The following CPNE5 variants were observed in gnomAD, a reference collection of about 807,000 sequenced individuals.
The protein encoded by CPNE5 is copine 5.
CPNE5 carries 42 observed loss-of-function variants against 81.1 expected under a neutral mutation model. The ratio of observed to expected loss-of-function variants is 0.52; its 90% CI spans 0.40 to 0.67. The LOEUF (loss-of-function observed/expected upper bound fraction) is 0.67, where lower values mean the gene tolerates loss of function less well. Among genes scored for constraint, CPNE5 ranks in the 30% least tolerant of loss-of-function variants. The probability of loss-of-function intolerance (pLI) is 0.00; values close to 1 mark genes in which losing one functional copy is unlikely to be tolerated. For missense variants in CPNE5, 612 were observed against 815.5 expected (o/e 0.75, Z 3.04); for synonymous variants, 313 against 321.5 (o/e 0.97, Z 0.28).
intron 10 of CPNE5, among the ~76,000 whole-genome samples, chr6:36,770,525 C>T (rs1766954413): frequency 6.6e-6 from 1 of 152,180 alleles, no homozygotes; most frequent in Admixed American, 6.5e-5. Flanking sequence ...GGCCCGGGTT[C>T]TCATCCTCCT....
Position 36,743,726 on chromosome 6 carries a change from G to A in CPNE5, c.1526C>T (p.Ser509Phe), listed in dbSNP as rs761580997. Residue 509 changes from serine to phenylalanine, a missense_variant, in exon 20 of 21, where the codon TCC becomes TTC. Coordinates refer to ENST00000244751, the MANE Select transcript of CPNE5 (RefSeq NM_020939.2). ...VELDGDDVRI[S>F]SRGKLAERDI... Reference sequence around the variant, plus strand: ...GCGTTCAGCCAGCTTCCCCCGGGAGGAGATCCGCACGTCGTCGCCATCCAG... The same window carrying A: ...GCGTTCAGCCAGCTTCCCCCGGGAGAAGATCCGCACGTCGTCGCCATCCAG... 1.9e-6 allele frequency: 3 copies of A among 1,613,270 alleles called. No individual in the cohort carries two copies. Among genetic ancestry groups the A allele is most frequent in the South Asian group, 2.2e-5 (2 of 91,092 alleles).
chr6:36,754,214 CTTTT>C (rs148737317), intron 13 of CPNE5: 30 of 140,906 alleles, frequency 2.1e-4, no homozygotes, highest in Non-Finnish European at 2.2e-4. Context: ...CAGAGATCTT[CTTTT>C]TTTTTTTTTT....
rs79072121 is a variant in CPNE5 at position 36,827,166 on chromosome 6, C to T, written c.96-4068G>A. ...CCCAGCTCAGCCCCTCTTCAGCCTC[C>T]GTTCCATTCCCCACTCTCAGCCTTG... On this transcript the variant is annotated intron_variant, in intron 1 of 20. Transcript: ENST00000244751. Among the ~76,000 whole-genome samples the T allele has an allele frequency of 5.4e-3, 821 of 152,256 alleles. 11 individuals carry two copies. Among genetic ancestry groups the T allele is most frequent in the African/African-American group, 0.019 (781 of 41,540 alleles).
chr6:36,825,683 A>T (rs538165981), intron 1 of CPNE5, among the ~76,000 whole-genome samples: 5 of 152,320 alleles, frequency 3.3e-5, no homozygotes, highest in African/African-American at 1.2e-4. Flanking sequence ...ACATACAGTC[A>T]TTCACACCGA....
At chr6:36,793,063 C>G (rs754745440) in intron 7 of CPNE5, among the ~76,000 whole-genome samples, 3 of 152,206 alleles carry the variant, frequency 2.0e-5, no homozygotes, top group African/African-American at 4.8e-5. Context: ...GCATCCCCCT[C>G]CCTGCACCCT....
At chr6:36,808,413 A>C (rs1424226316) in intron 3 of CPNE5, among the ~76,000 whole-genome samples, 1 of 151,908 alleles carries the variant, frequency 6.6e-6, no homozygotes, top group African/African-American at 2.4e-5. Context: ...GATTTCTAAA[A>C]TCTGGGCCCC....
At chr6:36,814,628 G>A (rs1225685950) in intron 3 of CPNE5, among the ~76,000 whole-genome samples, 1 of 152,158 alleles carries the variant, frequency 6.6e-6, no homozygotes, top group African/African-American at 2.4e-5. Flanking sequence ...CAGCAGGGAG[G>A]AGCGTGATGA....
chr6:36,793,223 C>T (rs1769254829), intron 7 of CPNE5, among the ~76,000 whole-genome samples: 1 of 152,114 alleles, frequency 6.6e-6, no homozygotes, highest in Non-Finnish European at 1.5e-5. Context: ...GGCTCTCAAA[C>T]AGAGGAGGCA....
intron 3 of CPNE5, among the ~76,000 whole-genome samples, chr6:36,813,811 C>T (rs148407754): frequency 2.1e-3 from 321 of 152,322 alleles, no homozygotes; most frequent in African/African-American, 7.3e-3. Flanking sequence ...ACTCAAGACT[C>T]AGCTCCAGTG....
intron 1 of CPNE5, among the ~76,000 whole-genome samples, chr6:36,824,031 C>G (rs1204548292): frequency 6.6e-6 from 1 of 152,190 alleles, no homozygotes; most frequent in African/African-American, 2.4e-5. Context: ...CATTCAACCT[C>G]TCTGAGCCTG....
Position 36,839,165 on chromosome 6 carries a change from C to T in CPNE5, c.95+118G>A. ...TTGGCAGATCGGCAGGGGCGCAGTC[C>T]TGGAGACCAGGACACTCTGGGAAGG... On this transcript the variant is annotated intron_variant, in intron 1 of 20. Coordinates refer to ENST00000244751, the MANE Select transcript of CPNE5 (RefSeq NM_020939.2). The surrounding 1 kb of genome is among the most constrained non-coding windows in gnomAD (Gnocchi z 7.3). 2 of 728,462 alleles carry T rather than the reference C, an allele frequency of 2.7e-6. No homozygotes were observed. Among genetic ancestry groups the T allele is most frequent in the South Asian group, 2.0e-5 (1 of 49,030 alleles). 45.1% of individuals were successfully genotyped at this position (728,462 alleles called of 1,614,324 possible). A position where few individuals can be genotyped will look rare whatever the true frequency, so the allele number is the denominator to read the frequency against.
intron 20 of CPNE5, chr6:36,743,096 C>T (rs1014051763): frequency 3.1e-5 from 31 of 985,284 alleles, no homozygotes; most frequent in Non-Finnish European, 3.3e-5. Context: ...TACTGGGCCC[C>T]AATTTTTAAA....
chr6:36,797,513 C>T (rs1355679155), intron 6 of CPNE5, among the ~76,000 whole-genome samples: 1 of 152,206 alleles, frequency 6.6e-6, no homozygotes, highest in Non-Finnish European at 1.5e-5. Context: ...CAGGCAAGGG[C>T]CCTGCCCCTG....
At chr6:36,764,607 T>C (rs1272412988) in intron 11 of CPNE5, among the ~76,000 whole-genome samples, 1 of 152,004 alleles carries the variant, frequency 6.6e-6, no homozygotes, top group Admixed American at 6.6e-5. Context: ...CCAGGGTGGG[T>C]TCTGGACTGA....
chr6:36,808,007 C>A (rs1208515835), intron 3 of CPNE5, among the ~76,000 whole-genome samples: 7 of 152,214 alleles, frequency 4.6e-5, no homozygotes, highest in African/African-American at 1.7e-4. Context: ...AGGTCGCCCG[C>A]TCAGCCTCTG....
chr6:36,746,918 G>A lies in CPNE5; in HGVS notation c.1019-341C>T, dbSNP rs1260480627. 2.0e-5 allele frequency among the ~76,000 whole-genome samples: 3 copies of A among 151,236 alleles called. No individual in the cohort carries two copies. Among genetic ancestry groups the A allele is most frequent in the Admixed American group, 1.3e-4 (2 of 15,168 alleles). On this transcript the variant is annotated intron_variant, in intron 15 of 20. Coordinates refer to ENST00000244751, the MANE Select transcript of CPNE5 (RefSeq NM_020939.2). This position sits in a 1 kb window ranked among gnomAD's most constrained non-coding sequence, Gnocchi z 4.5. ...ATCATGCCTCTCCTCTGCCCAAAAC[G>A]CTCAATGCCTCCACCTCCCCCAAAA...
At chr6:36,811,504 G>A (rs530804722) in intron 3 of CPNE5, among the ~76,000 whole-genome samples, 1 of 152,146 alleles carries the variant, frequency 6.6e-6, no homozygotes, top group South Asian at 2.1e-4. Context: ...CTGGGCAGGT[G>A]GTGGGCCCAT....
intron 12 of CPNE5, 42 bp from the exon 13 acceptor site, chr6:36,756,340 C>G (rs1765461402): frequency 1.3e-6 from 2 of 1,580,684 alleles, no homozygotes; most frequent in Non-Finnish European, 1.7e-6. Context: ...TGCTTCCAGG[C>G]AGTCAGGGTG....
chr6:36,836,253 G>A (rs149695760), intron 1 of CPNE5, among the ~76,000 whole-genome samples: 22 of 152,354 alleles, frequency 1.4e-4, no homozygotes, highest in Non-Finnish European at 1.6e-4. Context: ...ACTTGGCCCC[G>A]TGGTGGCCCT....
Sources: gnomAD v4.1 joint callset for allele counts (sites outside exome capture counted in the v4.1 genomes callset) on GRCh38, gnomAD v4.1.1 for gene constraint, Gnocchi (gnomAD v3.1) non-coding constraint, MANE v1.5 for transcripts, NCBI Gene and HGNC (gene_info 2026-07-23, HGNC 2026-07-21) for gene names.